ANKRD31: variants seen among roughly 807,000 people sequenced by gnomAD.
The protein encoded by ANKRD31 is ankyrin repeat domain-containing protein 31.
Under a neutral mutation model 186.0 loss-of-function variants are expected in ANKRD31, and 147 were observed. The ratio of observed to expected loss-of-function variants is 0.79; its 90% confidence interval spans 0.69 to 0.91. The LOEUF (loss-of-function observed/expected upper bound fraction) is 0.91. Ranked by LOEUF, ANKRD31 falls within the 40% of genes least tolerant of loss-of-function variation. The pLI is 0.00. For missense variants in ANKRD31, 1,986 were observed against 2,148.8 expected, an observed-to-expected ratio of 0.92 and a Z score of 1.50; for synonymous variants, 673 against 736.4, an observed-to-expected ratio of 0.91 and a Z score of 1.39.
chr5:75,079,319 G>A (rs1329328736), intron 25 of ANKRD31, among the ~76,000 whole-genome samples: 2 of 152,128 alleles, frequency 1.3e-5, no homozygotes, highest in Non-Finnish European at 2.9e-5. Flanking sequence ...TTGTTCTATT[G>A]AATGTGAACA....
At chr5:75,201,990 C>T (rs557131156) in intron 5 of ANKRD31, among the ~76,000 whole-genome samples, 1 of 152,212 alleles carries the variant, frequency 6.6e-6, no homozygotes, top group South Asian at 2.1e-4. Context: ...TCTTTGAATC[C>T]ACCTATAAAC....
intron 17 of ANKRD31, among the ~76,000 whole-genome samples, chr5:75,130,636 T>C (rs1198111913): frequency 2.7e-5 from 4 of 149,116 alleles, no homozygotes; most frequent in Non-Finnish European, 6.0e-5. Context: ...CACCAGATTA[T>C]CTAGACACAG....
chr5:75,169,804 C>T (rs1045960616), intron 10 of ANKRD31, among the ~76,000 whole-genome samples: 2 of 152,170 alleles, frequency 1.3e-5, no homozygotes, highest in African/African-American at 4.8e-5. Context: ...TTACGAATCT[C>T]AGCTTATGTT....
At chr5:75,221,408 CG>C (rs1476079331) in intron 3 of ANKRD31, among the ~76,000 whole-genome samples, 1 of 152,144 alleles carries the variant, frequency 6.6e-6, no homozygotes, top group African/African-American at 2.4e-5. Context: ...CATAAGACAA[CG>C]GAAGTGTCTT....
chr5:75,085,692 G>A (rs568468694), intron 23 of ANKRD31, among the ~76,000 whole-genome samples: 6 of 152,210 alleles, frequency 3.9e-5, no homozygotes, highest in Admixed American at 1.3e-4. Context: ...GTGAGCCACC[G>A]TGCCTGGCTG....
At position 75,138,925 on chromosome 5, in the gene ANKRD31, T is replaced by C; in HGVS notation, c.3654A>G (p.Leu1218=). ...GGGGCAGATTTCCTCTTCTGACAGCTAAATGAAGCTGGCTTTCCCCTCTGG... is the reference window on the plus strand; with the variant it reads ...GGGGCAGATTTCCTCTTCTGACAGCCAAATGAAGCTGGCTTTCCCCTCTGG... ...RNARGESQLH[L]AVRRGNLPLV... Residue 1218 remains leucine, a synonymous_variant, in exon 16 of 26, where the codon TTA becomes TTG. Transcript: ENST00000506364. The C allele has an allele frequency of 6.5e-7, 1 of 1,536,880 alleles. No individual in the cohort carries two copies. Among genetic ancestry groups the C allele is most frequent in the Non-Finnish European group, 8.7e-7 (1 of 1,146,652 alleles).
At position 75,118,271 on chromosome 5, in the gene ANKRD31, T is replaced by TAATCAAAC; in HGVS notation, c.3902_3903insGTTTGATT (p.Ala1302PhefsTer3). On this transcript the variant is annotated frameshift_variant, in exon 18 of 26. Transcript: ENST00000506364. LOFTEE classifies it high-confidence loss of function. Reference sequence around the variant, plus strand: ...TTTGATCTTTTTGATTAGGGTTTGCTCCATTTTGTAGTAGAATCTCAGCTG... The same window carrying TAATCAAAC: ...TTTGATCTTTTTGATTAGGGTTTGCTAATCAAACCCATTTTGTAGTAGAATCTCAGCTG... 1 of 1,510,740 alleles carries TAATCAAAC rather than the reference T, an allele frequency of 6.6e-7. No individual in the cohort carries two copies. The highest frequency in any genetic ancestry group is 1.3e-5 in the South Asian group (1 of 78,146). The allele number at this position is 1,510,740 out of a possible 1,614,324, so 93.6% of individuals were successfully genotyped here.
At chr5:75,093,287 C>A (rs1358377866) in intron 22 of ANKRD31, among the ~76,000 whole-genome samples, 1 of 152,094 alleles carries the variant, frequency 6.6e-6, no homozygotes, top group Non-Finnish European at 1.5e-5. Flanking sequence ...TTGAGACCAG[C>A]CTGGCCAACG....
chr5:75,105,243 A>G (rs1296682580), intron 21 of ANKRD31, 25 bp from the exon 22 acceptor site: 2 of 1,452,910 alleles, frequency 1.4e-6, no homozygotes, highest in Non-Finnish European at 1.8e-6. Context: ...AGAAAGAGAA[A>G]AAATGCAATA....
intron 8 of ANKRD31, 41 bp from the exon 9 acceptor site, chr5:75,192,817 T>C: frequency 7.2e-7 from 1 of 1,387,220 alleles, no homozygotes; most frequent in Non-Finnish European, 9.8e-7. Flanking sequence ...ATAACGGTTT[T>C]TGCAAACATT....
intron 25 of ANKRD31, among the ~76,000 whole-genome samples, chr5:75,071,590 G>C (rs1209376784): frequency 6.6e-6 from 1 of 150,752 alleles, no homozygotes; most frequent in African/African-American, 2.4e-5. Flanking sequence ...CTGCCTCCCA[G>C]GTTCAAGCAA....
intron 1 of ANKRD31, among the ~76,000 whole-genome samples, chr5:75,231,623 C>T (rs112672222): frequency 1.8e-3 from 274 of 152,200 alleles, no homozygotes; most frequent in African/African-American, 5.7e-3. Context: ...AAACGAAATA[C>T]AAATAGCCAA....
At chr5:75,103,773 C>T (rs995140099) in intron 22 of ANKRD31, among the ~76,000 whole-genome samples, 1 of 152,156 alleles carries the variant, frequency 6.6e-6, no homozygotes, top group Non-Finnish European at 1.5e-5. Flanking sequence ...GCTGCATGTT[C>T]TCACTTATAA....
At position 75,104,329 on chromosome 5, in the gene ANKRD31, T is replaced by C; in HGVS notation, c.5230A>G (p.Asn1744Asp). Residue 1744 changes from asparagine to aspartate, a missense_variant, in exon 22 of 26, where the codon AAC becomes GAC. Transcript: ENST00000506364. Reference sequence around the variant, plus strand: ...TTCTTTTTAGGAGCTGTACTGTAGTTTAAAGCCTTTTTTATTGTATCTTGT... The same window carrying C: ...TTCTTTTTAGGAGCTGTACTGTAGTCTAAAGCCTTTTTTATTGTATCTTGT... Reference protein sequence around the residue: ...GQQDTIKKALNYSTAPKKKCI... With the variant: ...GQQDTIKKALDYSTAPKKKCI... The C allele has an allele frequency of 2.6e-6, 4 of 1,537,224 alleles. No homozygotes were observed. The highest frequency in any genetic ancestry group is 3.5e-6 in the Non-Finnish European group (4 of 1,146,890).
chr5:75,180,552 C>T (rs1422955921), intron 10 of ANKRD31, among the ~76,000 whole-genome samples: 2 of 152,110 alleles, frequency 1.3e-5, no homozygotes, highest in Non-Finnish European at 2.9e-5. Flanking sequence ...ACAAATGGAA[C>T]AGAACAGAGC....
intron 20 of ANKRD31, among the ~76,000 whole-genome samples, chr5:75,110,176 A>T (rs1399766091): frequency 1.3e-5 from 2 of 152,132 alleles, no homozygotes; most frequent in Non-Finnish European, 2.9e-5. Context: ...GAAGTTTCTG[A>T]TTTTAGAGGC....
intron 25 of ANKRD31, 147 bp from the exon 26 acceptor site, chr5:75,068,811 T>C (rs181569996): frequency 6.3e-6 from 5 of 795,626 alleles, no homozygotes; most frequent in Non-Finnish European, 8.9e-6. Flanking sequence ...CTCAACCTAT[T>C]TTCTGTACTC....
intron 2 of ANKRD31, chr5:75,225,537 G>A: frequency 3.4e-6 from 1 of 291,540 alleles, no homozygotes. Flanking sequence ...ACTAATGAAA[G>A]CCTATTGTGA....
intron 18 of ANKRD31, among the ~76,000 whole-genome samples, chr5:75,117,888 T>C (rs2035191): frequency 0.2 from 29,893 of 152,070 alleles, 3,091 homozygotes; most frequent in African/African-American, 0.25. Context: ...GGGACATTAA[T>C]GTTTGCTTGA....
Sources: allele counts gnomAD v4.1 joint callset (sites outside exome capture counted in the v4.1 genomes callset), GRCh38; gene constraint gnomAD v4.1.1; transcripts MANE v1.5; gene names NCBI Gene and HGNC (gene_info 2026-07-23, HGNC 2026-07-21).